The following ATG4C variants were observed in gnomAD, a reference collection of about 807,000 sequenced individuals.
ATG4C encodes the protein cysteine protease ATG4C.
In ATG4C, 56 loss-of-function variants were observed where a neutral mutation model predicts 57.6. The observed-to-expected ratio is 0.97, with a 90% CI of 0.78 to 1.21. The LOEUF (loss-of-function observed/expected upper bound fraction) is 1.21, where lower values mean the gene tolerates loss of function less well. ATG4C is among the 50% of genes most tolerant of loss of function. The pLI is 0.00. For missense variants in ATG4C, 595 were observed against 529.8 expected, an observed-to-expected ratio of 1.12 and a Z score of -1.21; for synonymous variants, 157 against 174.1, an observed-to-expected ratio of 0.90 and a Z score of 0.78.
At chr1:62,804,733 G>A (rs1324434750) in intron 2 of ATG4C, among the ~76,000 whole-genome samples, 1 of 152,094 alleles carries the variant, frequency 6.6e-6, no homozygotes, top group East Asian at 1.9e-4. Flanking sequence ...GGCAGAACCA[G>A]CTTCAACAGG....
chr1:62,791,630 CTCT>C (rs1182046016), intron 1 of ATG4C, among the ~76,000 whole-genome samples: 3 of 152,180 alleles, frequency 2.0e-5, no homozygotes, highest in Admixed American at 1.3e-4. Context: ...GTCTCACTTT[CTCT>C]TCTTGTAAAG....
intron 1 of ATG4C, among the ~76,000 whole-genome samples, chr1:62,797,284 A>G (rs1340090296): frequency 6.6e-6 from 1 of 151,952 alleles, no homozygotes; most frequent in African/African-American, 2.4e-5. Flanking sequence ...ATCTTTTTAT[A>G]GTGATATAGA....
At chr1:62,841,190 T>G (rs940539788) in intron 9 of ATG4C, among the ~76,000 whole-genome samples, 8 of 152,194 alleles carry the variant, frequency 5.3e-5, no homozygotes, top group African/African-American at 1.9e-4. Context: ...TTTTGCAGAA[T>G]GGCACTAATA....
chr1:62,820,273 A>G (rs1031365544), intron 5 of ATG4C, among the ~76,000 whole-genome samples: 10 of 152,042 alleles, frequency 6.6e-5, no homozygotes, highest in African/African-American at 2.4e-4. Context: ...TGAAGTGACA[A>G]TAGTAAATAT....
chr1:62,854,744 A>G (rs911255894), intron 10 of ATG4C, among the ~76,000 whole-genome samples: 3 of 152,134 alleles, frequency 2.0e-5, no homozygotes, highest in African/African-American at 4.8e-5. Flanking sequence ...ATGATCATGT[A>G]ATGAGCTTGC....
chr1:62,816,997 T>TA (rs1337297502), intron 4 of ATG4C, among the ~76,000 whole-genome samples, 189 bp downstream of exon 4: 5 of 152,240 alleles, frequency 3.3e-5, no homozygotes, highest in Non-Finnish European at 5.9e-5. Flanking sequence ...ATATGACTTA[T>TA]ATGTAAACTT....
chr1:62,805,112 T>C, intron 2 of ATG4C, 60 bp from the exon 3 acceptor site: 1 of 1,482,034 alleles, frequency 6.7e-7, no homozygotes, highest in Non-Finnish European at 8.9e-7. Context: ...GCTGCTAGAC[T>C]TTTAGTCTGA....
intron 10 of ATG4C, among the ~76,000 whole-genome samples, chr1:62,856,766 A>T (rs572871742): frequency 6.6e-6 from 1 of 152,290 alleles, no homozygotes; most frequent in Admixed American, 6.5e-5. Flanking sequence ...AGTTTGGTAC[A>T]ATCAGACAAG....
At position 62,864,083 on chromosome 1, in the gene ATG4C, A is replaced by G. The variant is rs777262690; in HGVS notation, c.1301A>G (p.Asn434Ser). 5 of 1,607,052 alleles carry G rather than the reference A, an allele frequency of 3.1e-6. No homozygotes were observed. Among genetic ancestry groups the G allele is most frequent in the East Asian group, 2.2e-5 (1 of 44,698 alleles). ...RDYDFTSTTT[N>S]EEDLFSEDEK... is the part of the protein sequence containing the mutation. ...TATGATTTTACATCTACTACAACCA[A>G]TGAAGAAGACCTTTTTTCAGAGGAT... Residue 434 changes from asparagine to serine, a missense_variant, in exon 11 of 11, where the codon AAT (asparagine) becomes AGT (serine). Physicochemically the swap from Asn to Ser is conservative, Grantham distance 46 (BLOSUM62 1). Coordinates refer to ENST00000317868, the MANE Select transcript of ATG4C (RefSeq NM_032852.4).
chr1:62,806,425 A>G (rs888574866), intron 3 of ATG4C, among the ~76,000 whole-genome samples: 2 of 152,040 alleles, frequency 1.3e-5, no homozygotes, highest in African/African-American at 4.8e-5. Flanking sequence ...GGATTTATAT[A>G]TATATGTCTG....
chr1:62,792,964 G>C (rs1664330396), intron 1 of ATG4C, among the ~76,000 whole-genome samples: 1 of 150,940 alleles, frequency 6.6e-6, no homozygotes, highest in South Asian at 2.1e-4. Context: ...TCGGCTCACT[G>C]CAAGCTGCAC....
intron 9 of ATG4C, among the ~76,000 whole-genome samples, chr1:62,841,114 TTTTTCATG>T (rs1666152726): frequency 6.6e-6 from 1 of 152,212 alleles, no homozygotes; most frequent in African/African-American, 2.4e-5. Flanking sequence ...GCCTCATACT[TTTTTCATG>T]TCTTTTTCAT....
chr1:62,821,622 C>T (rs1478003905), intron 6 of ATG4C, among the ~76,000 whole-genome samples: 3 of 152,010 alleles, frequency 2.0e-5, no homozygotes, highest in African/African-American at 7.2e-5. Context: ...AATGATGCAG[C>T]TATTGTCCAG....
chr1:62,809,387 GTA>G lies in ATG4C; in HGVS notation c.160+4138_160+4139del, dbSNP rs1043144619. On this transcript the variant is annotated intron_variant, in intron 3 of 10. Transcript: ENST00000317868. Reference sequence around the variant, plus strand: ...TAAATATATGTACATTATAGTAAATGTATATATGTTTATATACATATGTGTAT... The same window carrying G: ...TAAATATATGTACATTATAGTAAATGTATATGTTTATATACATATGTGTAT... Among the ~76,000 whole-genome samples the G allele has an allele frequency of 3.0e-3, 435 of 146,696 alleles. 4 individuals are homozygous for G. The highest frequency in any genetic ancestry group is 3.6e-3 in the Non-Finnish European group (243 of 67,036).
intron 1 of ATG4C, among the ~76,000 whole-genome samples, chr1:62,797,947 G>A (rs1276942747): frequency 6.6e-6 from 1 of 152,074 alleles, no homozygotes; most frequent in Non-Finnish European, 1.5e-5. Context: ...AGTCTCCCAA[G>A]TAGCTGAGAT....
At chr1:62,788,347 C>G (rs1664155371) in intron 1 of ATG4C, among the ~76,000 whole-genome samples, 1 of 151,844 alleles carries the variant, frequency 6.6e-6, no homozygotes, top group Admixed American at 6.6e-5. Flanking sequence ...CATCCTTTTA[C>G]CTAGATTCAC....
At chr1:62,801,367 C>G (rs1015216908) in intron 1 of ATG4C, among the ~76,000 whole-genome samples, 1 of 152,192 alleles carries the variant, frequency 6.6e-6, no homozygotes, top group Non-Finnish European at 1.5e-5. Flanking sequence ...ATTGACATCC[C>G]GAGAATATAT....
chr1:62,857,010 A>G (rs1052010634), intron 10 of ATG4C, among the ~76,000 whole-genome samples: 3 of 152,138 alleles, frequency 2.0e-5, no homozygotes, highest in Non-Finnish European at 4.4e-5. Flanking sequence ...TTCTTTGAAC[A>G]TGCAAAGTTT....
intron 1 of ATG4C, among the ~76,000 whole-genome samples, chr1:62,791,175 A>G (rs1162972264): frequency 1.3e-5 from 2 of 152,178 alleles, no homozygotes; most frequent in African/African-American, 4.8e-5. Flanking sequence ...CCTTATGGTT[A>G]GTTATAACCA....
Sources: allele counts gnomAD v4.1 joint callset (sites outside exome capture counted in the v4.1 genomes callset), GRCh38; gene constraint gnomAD v4.1.1; transcripts MANE v1.5; gene names NCBI Gene and HGNC (gene_info 2026-07-23, HGNC 2026-07-21).